CUX1: variants seen among roughly 807,000 people sequenced by gnomAD.
CUX1 encodes cut like homeobox 1.
In CUX1, 31 loss-of-function variants were observed where a neutral mutation model predicts 158.8. The ratio of observed to expected loss-of-function variants is 0.20; its 90% confidence interval spans 0.15 to 0.26. The LOEUF is 0.26. Among genes scored for constraint, CUX1 ranks in the 10% least tolerant of loss-of-function variants. The probability of loss-of-function intolerance (pLI) is 1.00; values close to 1 mark genes in which losing one functional copy is unlikely to be tolerated. For missense variants in CUX1, 1,589 were observed against 2,014.6 expected, an observed-to-expected ratio of 0.79 and a Z score of 4.04; for synonymous variants, 879 against 862.1, an observed-to-expected ratio of 1.02 and a Z score of -0.34.
chr7:102,131,768 G>T (rs1219506244), intron 8 of CUX1, among the ~76,000 whole-genome samples: 1 of 151,516 alleles, frequency 6.6e-6, no homozygotes, highest in African/African-American at 2.4e-5. Context: ...TGCCTCCCAG[G>T]TTCAAGCAGT....
chr7:101,827,517 C>T (rs1793479294), intron 1 of CUX1, among the ~76,000 whole-genome samples: 1 of 151,892 alleles, frequency 6.6e-6, no homozygotes, highest in Non-Finnish European at 1.5e-5. Flanking sequence ...TGCTTTGTTG[C>T]CCAGGCTGGT....
At chr7:101,834,311 C>T (rs925970813) in intron 1 of CUX1, among the ~76,000 whole-genome samples, 2 of 151,332 alleles carry the variant, frequency 1.3e-5, no homozygotes, top group African/African-American at 4.9e-5. Context: ...GTAGCTGGGA[C>T]TACAGACACC....
chr7:101,989,738 T>A (rs1814854317), intron 2 of CUX1, among the ~76,000 whole-genome samples: 1 of 152,174 alleles, frequency 6.6e-6, no homozygotes, highest in South Asian at 2.1e-4. Flanking sequence ...GGCCACACAC[T>A]TATTTCCTGC....
At chr7:102,010,037 TA>T (rs1490789016) in intron 2 of CUX1, among the ~76,000 whole-genome samples, 1 of 151,822 alleles carries the variant, frequency 6.6e-6, no homozygotes, top group African/African-American at 2.4e-5. Context: ...GCGGACTTCT[TA>T]AAAAAGAAAG....
chr7:102,064,830 C>T (rs1038667143), intron 3 of CUX1, among the ~76,000 whole-genome samples: 17 of 152,146 alleles, frequency 1.1e-4, no homozygotes, highest in Non-Finnish European at 1.5e-5. Context: ...AGCCCAGGCT[C>T]CCTCCCTCCC....
Position 102,253,573 on chromosome 7 carries a change from G to A in CUX1, c.*4531G>A. 3.0e-6 allele frequency: 3 copies of A among 985,440 alleles called. No individual in the cohort carries two copies. The highest frequency in any genetic ancestry group is 1.1e-4 in the East Asian group (1 of 8,816). The allele number at this position is 985,440 out of a possible 1,614,324, so 61.0% of individuals were successfully genotyped here. ...AATGTTTTTCATTCCTCTGATTTTA[G>A]CAAAGCAAATCTTACTGAAAAATAG... On this transcript the variant is annotated 3_prime_UTR_variant, in exon 24 of 24. Coordinates refer to ENST00000292535, the MANE Select transcript of CUX1 (RefSeq NM_181552.4).
chr7:101,997,025 G>C (rs1376346837), intron 2 of CUX1, among the ~76,000 whole-genome samples: 2 of 152,130 alleles, frequency 1.3e-5, no homozygotes, highest in African/African-American at 4.8e-5. Context: ...CCAGCCTTCA[G>C]AGCTGCTTAC....
chr7:102,035,894 CAG>C (rs1396286487), intron 3 of CUX1, among the ~76,000 whole-genome samples: 5 of 152,044 alleles, frequency 3.3e-5, no homozygotes, highest in Non-Finnish European at 7.4e-5. Context: ...TGTTTTGAGA[CAG>C]AGTCTCGCTC....
chr7:102,255,803 T>C lies in CUX1; in HGVS notation c.*6761T>C. ...GCTGCTTTTGTTTTATAATTCTTTT[T>C]TCCCCCCTTTTCCTTCTTCTTTTTT... On this transcript the variant is annotated 3_prime_UTR_variant, in exon 24 of 24. Transcript: ENST00000292535. The C allele has an allele frequency of 1.0e-6, 1 of 985,064 alleles. No individual in the cohort carries two copies. The highest frequency in any genetic ancestry group is 1.7e-5 in the African/African-American group (1 of 57,362). 61.0% of individuals were successfully genotyped at this position (985,064 alleles called of 1,614,324 possible).
chr7:101,974,493 A>G (rs1032376786), intron 2 of CUX1, among the ~76,000 whole-genome samples: 2 of 152,218 alleles, frequency 1.3e-5, no homozygotes, highest in Non-Finnish European at 2.9e-5. Context: ...AGGAAATTCT[A>G]ACTAGTAGGA....
At position 102,161,851 on chromosome 7, in the gene CUX1, G is replaced by A. The variant is rs180787168; in HGVS notation, c.723+3243G>A. Among the ~76,000 whole-genome samples the A allele has an allele frequency of 4.7e-4, 71 of 152,210 alleles. 1 individual carries two copies. In the East Asian group the frequency reaches 0.013, roughly 28 times the overall value. ...TCGAACTCCTGACCTCAGGTGATCT[G>A]CCCACCTTGGCCTCCCTAAGTGCTG... On this transcript the variant is annotated intron_variant, in intron 9 of 23. Coordinates refer to ENST00000292535, the MANE Select transcript of CUX1 (RefSeq NM_181552.4).
chr7:101,973,545 A>T (rs1413119388), intron 2 of CUX1, among the ~76,000 whole-genome samples: 1 of 152,160 alleles, frequency 6.6e-6, no homozygotes, highest in African/African-American at 2.4e-5. Flanking sequence ...TGTACACTTC[A>T]TACTGCGTGC....
At chr7:101,981,595 C>A (rs1250907589) in intron 2 of CUX1, among the ~76,000 whole-genome samples, 1 of 152,012 alleles carries the variant, frequency 6.6e-6, no homozygotes, top group Admixed American at 6.6e-5. Flanking sequence ...ATGCAAATGT[C>A]AGAGGCTCTG....
chr7:101,921,045 A>T (rs116535410), intron 2 of CUX1, among the ~76,000 whole-genome samples: 93 of 151,908 alleles, frequency 6.1e-4, no homozygotes, highest in African/African-American at 2.2e-3. Context: ...CTGGTGTCAG[A>T]CTCCTGGGCT....
chr7:101,964,013 G>C (rs1028421502), intron 2 of CUX1, among the ~76,000 whole-genome samples: 2 of 152,102 alleles, frequency 1.3e-5, no homozygotes, highest in Admixed American at 6.5e-5. Flanking sequence ...CGGCAACCCT[G>C]TGAGGTCGGG....
At chr7:102,128,280 C>G (rs1264337428) in intron 8 of CUX1, among the ~76,000 whole-genome samples, 1 of 152,166 alleles carries the variant, frequency 6.6e-6, no homozygotes, top group Non-Finnish European at 1.5e-5. Flanking sequence ...GTAGATGCCT[C>G]TAGTGAAAAG....
At chr7:101,944,877 G>A (rs1023053589) in intron 2 of CUX1, among the ~76,000 whole-genome samples, 3 of 152,304 alleles carry the variant, frequency 2.0e-5, no homozygotes, top group Non-Finnish European at 4.4e-5. Flanking sequence ...CACTGCTGCC[G>A]GGTTGACCCC....
At chr7:102,015,171 C>T (rs1401466712) in intron 2 of CUX1, among the ~76,000 whole-genome samples, 1 of 152,152 alleles carries the variant, frequency 6.6e-6, no homozygotes, top group Non-Finnish European at 1.5e-5. Flanking sequence ...TGAAGTCAGG[C>T]ATCCAGGCGG....
chr7:102,051,465 T>C (rs1214856297), intron 3 of CUX1, among the ~76,000 whole-genome samples: 1 of 151,576 alleles, frequency 6.6e-6, no homozygotes, highest in Non-Finnish European at 1.5e-5. Context: ...CTGGCCAACA[T>C]GTTGAAAGCC....
Sources: gnomAD v4.1 joint callset for allele counts (sites outside exome capture counted in the v4.1 genomes callset) on GRCh38, gnomAD v4.1.1 for gene constraint, MANE v1.5 for transcripts, NCBI Gene and HGNC (gene_info 2026-07-23, HGNC 2026-07-21) for gene names.